TNR: variants seen among roughly 807,000 people sequenced by gnomAD.
TNR encodes tenascin R, also known as tenascin-R.
In TNR, 45 loss-of-function variants were observed where a neutral mutation model predicts 150.4. The observed-to-expected ratio is 0.30, with a 90% confidence interval of 0.24 to 0.38. The LOEUF (loss-of-function observed/expected upper bound fraction) is 0.38, where lower values mean the gene tolerates loss of function less well. Among genes scored for constraint, TNR ranks in the 10% least tolerant of loss-of-function variants. The probability of loss-of-function intolerance (pLI) is 1.00; values close to 1 mark genes in which losing one functional copy is unlikely to be tolerated. For synonymous variants in TNR, 687 were observed against 678.4 expected (o/e 1.01, Z -0.20); for missense variants, 1,544 against 1,759.1 (o/e 0.88, Z 2.19).
chr1:175,414,180 G>A (rs941094174), intron 2 of TNR, among the ~76,000 whole-genome samples: 1 of 151,890 alleles, frequency 6.6e-6, no homozygotes, highest in African/African-American at 2.4e-5. Flanking sequence ...AGAATGGTGA[G>A]AAATAAATTT....
intron 2 of TNR, among the ~76,000 whole-genome samples, chr1:175,473,066 C>G (rs950627306): frequency 6.6e-6 from 1 of 152,190 alleles, no homozygotes; most frequent in Non-Finnish European, 1.5e-5. Flanking sequence ...AGAAATGGCT[C>G]TGGCAGGATT....
At chr1:175,577,812 G>T in intron 1 of TNR, among the ~76,000 whole-genome samples, 1 of 152,184 alleles carries the variant, frequency 6.6e-6, no homozygotes. Flanking sequence ...TGCCCCAAAT[G>T]CTATATTCCC....
intron 2 of TNR, among the ~76,000 whole-genome samples, chr1:175,515,232 C>T (rs375252567): frequency 3.9e-5 from 6 of 152,316 alleles, no homozygotes; most frequent in African/African-American, 1.2e-4. Flanking sequence ...TGCATCTACC[C>T]TATGCCCAGC....
chr1:175,691,832 T>G (rs1666377419), intron 1 of TNR, among the ~76,000 whole-genome samples: 2 of 152,092 alleles, frequency 1.3e-5, no homozygotes, highest in African/African-American at 4.8e-5. Context: ...TCGTGTGATA[T>G]TCCCACATGC....
chr1:175,615,900 C>T (rs1663759148), intron 1 of TNR, among the ~76,000 whole-genome samples: 1 of 152,204 alleles, frequency 6.6e-6, no homozygotes, highest in Non-Finnish European at 1.5e-5. Context: ...GAAGCCTGTG[C>T]TCAAAAGATA....
At chr1:175,486,610 A>G (rs1024165944) in intron 2 of TNR, among the ~76,000 whole-genome samples, 1 of 152,226 alleles carries the variant, frequency 6.6e-6, no homozygotes, top group Admixed American at 6.5e-5. Context: ...TTATAGTAGA[A>G]TGATTTATAA....
chr1:175,395,137 T>C (rs1248215461), intron 5 of TNR, among the ~76,000 whole-genome samples: 1 of 151,710 alleles, frequency 6.6e-6, no homozygotes, highest in African/African-American at 2.4e-5. Context: ...CATAGCGGAG[T>C]CCAAAATTAT....
At chr1:175,677,458 C>T (rs961793752) in intron 1 of TNR, among the ~76,000 whole-genome samples, 6 of 152,194 alleles carry the variant, frequency 3.9e-5, no homozygotes, top group South Asian at 4.1e-4. Context: ...AGAAGTCATC[C>T]TCACGAGGGA....
At chr1:175,714,573 C>T (rs755952319) in intron 1 of TNR, among the ~76,000 whole-genome samples, 1 of 152,158 alleles carries the variant, frequency 6.6e-6, no homozygotes, top group East Asian at 1.9e-4. Context: ...CTCAGCCCTG[C>T]CAGGCCCAGC....
intron 1 of TNR, among the ~76,000 whole-genome samples, chr1:175,565,914 T>G (rs1159503215): frequency 6.6e-6 from 1 of 152,192 alleles, no homozygotes; most frequent in African/African-American, 2.4e-5. Context: ...GGATGTGAAT[T>G]GAAACTGGAC....
At chr1:175,587,551 C>A (rs577231577) in intron 1 of TNR, among the ~76,000 whole-genome samples, 4 of 152,094 alleles carry the variant, frequency 2.6e-5, no homozygotes, top group Admixed American at 1.3e-4. Context: ...ATTGGCCCAG[C>A]AACAAAGTTG....
Position 175,644,509 on chromosome 1 carries a change from G to T in TNR, c.-165+98717C>A, listed in dbSNP as rs187480456. 4.2e-3 allele frequency among the ~76,000 whole-genome samples: 646 copies of T among 152,304 alleles called. 4 individuals are homozygous for T. Among genetic ancestry groups the T allele is most frequent in the African/African-American group, 0.015 (612 of 41,562 alleles). On this transcript the variant is annotated intron_variant, in intron 1 of 22. Coordinates refer to ENST00000367674, the MANE Select transcript of TNR (RefSeq NM_003285.3). ...GACATATGTTATAAAGTAGACCAGT[G>T]GTTAATTCCTCATTGTCACCATTCC... is the stretch of plus-strand genomic sequence containing the variant.
chr1:175,721,540 C>T (rs930237284), intron 1 of TNR, among the ~76,000 whole-genome samples: 6 of 152,110 alleles, frequency 3.9e-5, no homozygotes, highest in African/African-American at 9.7e-5. Flanking sequence ...TCTTGAAACC[C>T]GTTAGCTGTA....
intron 2 of TNR, among the ~76,000 whole-genome samples, chr1:175,460,631 G>A (rs1296937938): frequency 6.6e-6 from 1 of 152,166 alleles, no homozygotes; most frequent in Non-Finnish European, 1.5e-5. Context: ...TAATTTTCAC[G>A]ATAATGAGGC....
chr1:175,331,042 T>TTTCTTTCTTTCTTTCTTTCTTTCCTTC (rs1571298365), intron 20 of TNR, among the ~76,000 whole-genome samples: 1 of 68,834 alleles, frequency 1.5e-5, no homozygotes. Context: ...TCTTTCTTTC[T>TTTCTTTCTTTCTTTCTTTCTTTCCTTC]TTCTTTCTTT....
chr1:175,380,578 A>G (rs987618240), intron 8 of TNR, among the ~76,000 whole-genome samples: 8 of 141,546 alleles, frequency 5.7e-5, no homozygotes, highest in Non-Finnish European at 9.4e-5. Context: ...CTCCAAAGGA[A>G]AAAAAAAAAA....
chr1:175,678,957 G>C (rs1665948706), intron 1 of TNR, among the ~76,000 whole-genome samples: 1 of 152,316 alleles, frequency 6.6e-6, no homozygotes, highest in East Asian at 1.9e-4. Context: ...GAGAGCAATT[G>C]GGTTCTGCCC....
chr1:175,568,676 C>A (rs1661743732), intron 1 of TNR, among the ~76,000 whole-genome samples: 1 of 152,192 alleles, frequency 6.6e-6, no homozygotes, highest in Non-Finnish European at 1.5e-5. Context: ...CCCTGCAAGT[C>A]ACTTCATCTC....
At chr1:175,503,176 G>A (rs568565498) in intron 2 of TNR, among the ~76,000 whole-genome samples, 2 of 152,300 alleles carry the variant, frequency 1.3e-5, no homozygotes, top group Non-Finnish European at 2.9e-5. Flanking sequence ...GCTGAGGGAA[G>A]AGAAGCCTCC....
Sources: allele counts gnomAD v4.1 joint callset (sites outside exome capture counted in the v4.1 genomes callset), GRCh38; gene constraint gnomAD v4.1.1; transcripts MANE v1.5; gene names NCBI Gene and HGNC (gene_info 2026-07-23, HGNC 2026-07-21).